The following DCP2 variants were observed in gnomAD, a reference collection of about 807,000 sequenced individuals.
DCP2 encodes the protein decapping mRNA 2.
DCP2 carries 30 observed loss-of-function variants against 56.1 expected under a neutral mutation model. That is an observed-to-expected ratio of 0.53 (90% CI 0.40 to 0.73). The LOEUF is 0.73. Among genes scored for constraint, DCP2 ranks in the 30% least tolerant of loss-of-function variants. The pLI, the probability that DCP2 is intolerant of heterozygous loss-of-function variation, is 0.00. For synonymous variants in DCP2, 197 were observed against 163.3 expected (o/e 1.21, Z -1.57); for missense variants, 533 against 502.7 (o/e 1.06, Z -0.58).
At position 113,019,862 on chromosome 5, in the gene DCP2, C is replaced by CAA. The variant is rs1276738028; in HGVS notation, c.*6379_*6380insAA. On this transcript the variant is annotated 3_prime_UTR_variant, in exon 11 of 11. Coordinates refer to ENST00000389063, the MANE Select transcript of DCP2 (RefSeq NM_152624.6). ...TTTCAGAATAAAATAAACGGAATTA[C>CAA]AGTTCATGCATTAGCATTTTTAAGT... 6.6e-6 allele frequency: 1 copy of CAA among 152,122 alleles called. No homozygotes were observed. The highest frequency in any genetic ancestry group is 1.9e-4 in the East Asian group (1 of 5,202). 9.4% of individuals were successfully genotyped at this position (152,122 alleles called of 1,614,324 possible).
intron 8 of DCP2, among the ~76,000 whole-genome samples, chr5:113,004,842 G>C (rs1749341150): frequency 6.6e-6 from 1 of 150,578 alleles, no homozygotes; most frequent in Admixed American, 6.6e-5. Flanking sequence ...AATATACTGG[G>C]CTTGGCCAGG....
intron 7 of DCP2, 104 bp from the exon 8 acceptor site, chr5:113,003,838 C>T (rs547195933): frequency 3.2e-5 from 41 of 1,294,848 alleles, no homozygotes; most frequent in East Asian, 1.8e-4. Flanking sequence ...GGAAGATAGA[C>T]AGTAAATAAG....
intron 8 of DCP2, among the ~76,000 whole-genome samples, chr5:113,006,519 C>T (rs1207049116): frequency 6.6e-6 from 1 of 152,164 alleles, no homozygotes; most frequent in Non-Finnish European, 1.5e-5. Flanking sequence ...CATTCAAAGC[C>T]ATACTTCCTT....
At position 112,992,185 on chromosome 5, in the gene DCP2, G is replaced by A; in HGVS notation, c.270G>A (p.Trp90Ter). 6.2e-7 allele frequency: 1 copy of A among 1,614,026 alleles called. No homozygotes were observed. Among genetic ancestry groups the A allele is most frequent in the Non-Finnish European group, 8.5e-7 (1 of 1,179,982 alleles). Residue 90 changes from tryptophan (W) to a stop codon, truncating the protein, a stop_gained, in exon 3 of 11, where the codon TGG becomes TGA. Transcript: ENST00000389063. LOFTEE classifies it high-confidence loss of function. ...ATGTGGAAAAAGTTTTGGATGAATGGAAGGAATATAAAATGGGAGTACCAA... is the reference window on the plus strand; with the variant it reads ...ATGTGGAAAAAGTTTTGGATGAATGAAAGGAATATAAAATGGGAGTACCAA... ...GEDVEKVLDE[W>*]KEYKMGVPTY...
Position 112,985,936 on chromosome 5 carries a change from A to T in DCP2, c.155A>T (p.Gln52Leu). Residue 52 changes from glutamine (Q) to leucine (L), a missense_variant, in exon 2 of 11, where the codon CAG becomes CTG. Physicochemically the swap from Gln to Leu is moderately radical, Grantham distance 113. Transcript: ENST00000389063. ...TGGTTTTACTTGGATTTCTACATGC[A>T]GAACACACCAGGATTACCTCAGTGT... ...AHWFYLDFYM[Q>L]NTPGLPQCGI... 6.2e-7 allele frequency: 1 copy of T among 1,604,404 alleles called. No homozygotes were observed. The highest frequency in any genetic ancestry group is 1.1e-5 in the South Asian group (1 of 90,254).
intron 1 of DCP2, 111 bp downstream of exon 1, chr5:112,977,097 C>A: frequency 1.3e-6 from 1 of 745,680 alleles, no homozygotes; most frequent in Non-Finnish European, 2.0e-6. Context: ...TCGCTTTCCG[C>A]TCCCGCCGCT....
At chr5:112,985,551 C>G (rs759744517) in intron 1 of DCP2, among the ~76,000 whole-genome samples, 1 of 152,288 alleles carries the variant, frequency 6.6e-6, no homozygotes, top group Admixed American at 6.5e-5. Context: ...GGTTTTCTTG[C>G]TCACTTTTGT....
chr5:112,988,494 T>TAAAAAAAA (rs368124032), intron 2 of DCP2, among the ~76,000 whole-genome samples: 7 of 82,426 alleles, frequency 8.5e-5, no homozygotes, highest in African/African-American at 3.5e-4. Flanking sequence ...TGTGTCTTAA[T>TAAAAAAAA]AAAAAAAAAA....
At chr5:112,998,966 G>A (rs182983667) in intron 4 of DCP2, among the ~76,000 whole-genome samples, 14 of 152,284 alleles carry the variant, frequency 9.2e-5, no homozygotes, top group Admixed American at 1.3e-4. Flanking sequence ...TTATGATTCA[G>A]CAGTTCCCAC....
intron 1 of DCP2, among the ~76,000 whole-genome samples, chr5:112,981,806 C>T (rs1372156816): frequency 2.0e-5 from 3 of 152,114 alleles, no homozygotes; most frequent in Admixed American, 1.3e-4. Flanking sequence ...GAGTCTTGCT[C>T]GTTTGCCCAG....
chr5:113,009,958 T>A (rs554128790), intron 9 of DCP2, among the ~76,000 whole-genome samples: 6 of 151,054 alleles, frequency 4.0e-5, no homozygotes, highest in Admixed American at 3.9e-4. Context: ...CGCTCTGTCG[T>A]CTAGAGTACA....
chr5:112,994,370 C>T (rs1228935553), intron 4 of DCP2, among the ~76,000 whole-genome samples: 1 of 151,548 alleles, frequency 6.6e-6, no homozygotes, highest in African/African-American at 2.4e-5. Flanking sequence ...TGGGGTCTCA[C>T]TGTGTTGCCC....
At chr5:113,006,158 T>C (rs1472697588) in intron 8 of DCP2, among the ~76,000 whole-genome samples, 2 of 145,652 alleles carry the variant, frequency 1.4e-5, no homozygotes, top group African/African-American at 5.1e-5. Context: ...CATGCTACAA[T>C]ATGGGTAAAC....
chr5:113,001,295 A>C, intron 5 of DCP2, 59 bp downstream of exon 5: 1 of 1,596,686 alleles, frequency 6.3e-7, no homozygotes, highest in Non-Finnish European at 8.5e-7. Context: ...TAAGTAGGGA[A>C]ATCCTTTTAT....
chr5:112,980,948 C>T (rs1202774451), intron 1 of DCP2, among the ~76,000 whole-genome samples: 1 of 151,612 alleles, frequency 6.6e-6, no homozygotes, highest in African/African-American at 2.4e-5. Context: ...TTTACCACAC[C>T]CACTATTGCC....
In DCP2 at chr5:113,015,542, T is replaced by G. The variant is rs1031564928; in HGVS notation, c.*2058T>G. On this transcript the variant is annotated 3_prime_UTR_variant, in exon 11 of 11. Transcript: ENST00000389063. ...CTTTGTGATTACAGTAGTTTAACTA[T>G]GGTTAAATGTTACTGCTGTTGCGCT... 5.9e-5 allele frequency: 9 copies of G among 152,600 alleles called. No homozygotes were observed. Among genetic ancestry groups the G allele is most frequent in the African/African-American group, 2.2e-4 (9 of 41,448 alleles). The allele number at this position is 152,600 out of a possible 1,614,324, so 9.5% of individuals were successfully genotyped here.
Position 113,001,577 on chromosome 5 carries a change from G to C in DCP2, c.709G>C (p.Asp237His), listed in dbSNP as rs1749181260. The change falls in exon 7 of 11, where the codon GAC becomes CAC. Residue 237 changes from aspartate to histidine, a missense_variant. Asp to His is a moderately conservative substitution (Grantham distance 81). Transcript: ENST00000389063. ...TTAATGTTTCTGCAGACCATTAAGG[G>C]ACTGGCTTTCTCGAAGATTTGGCGA... ...MAIPFIRPLR[D>H]WLSRRFGDSS... is the part of the protein sequence containing the mutation. 6.2e-7 allele frequency: 1 copy of C among 1,614,152 alleles called. No homozygotes were observed. The highest frequency in any genetic ancestry group is 8.5e-7 in the Non-Finnish European group (1 of 1,180,016).
intron 8 of DCP2, 30 bp downstream of exon 8, chr5:113,004,107 G>T: frequency 6.3e-7 from 1 of 1,597,442 alleles, no homozygotes; most frequent in Non-Finnish European, 8.5e-7. Context: ...AGTCTTTTCA[G>T]AAATTTAGAT....
chr5:112,983,431 G>A (rs531949477), intron 1 of DCP2, among the ~76,000 whole-genome samples: 8 of 152,216 alleles, frequency 5.3e-5, no homozygotes, highest in Middle Eastern at 3.4e-3. Flanking sequence ...AATAGAGACG[G>A]GGTCTCACAT....
Sources: allele counts gnomAD v4.1 joint callset (sites outside exome capture counted in the v4.1 genomes callset), GRCh38; gene constraint gnomAD v4.1.1; transcripts MANE v1.5; gene names NCBI Gene and HGNC (gene_info 2026-07-23, HGNC 2026-07-21).